ABCA1: variants seen among roughly 807,000 people sequenced by gnomAD.
The protein encoded by ABCA1 is ATP binding cassette subfamily A member 1.
Under a neutral mutation model 262.5 loss-of-function variants are expected in ABCA1, and 133 were observed. The ratio of observed to expected loss-of-function variants is 0.51; its 90% confidence interval spans 0.44 to 0.59. The LOEUF (loss-of-function observed/expected upper bound fraction) is 0.59. ABCA1 is among the 20% of genes least tolerant of loss of function. The probability of loss-of-function intolerance (pLI) is 0.00; values close to 1 mark genes in which losing one functional copy is unlikely to be tolerated. For synonymous variants in ABCA1, 1,022 were observed against 1,043.5 expected, an observed-to-expected ratio of 0.98 and a Z score of 0.40; for missense variants, 2,452 against 2,777.5, an observed-to-expected ratio of 0.88 and a Z score of 2.63.
intron 1 of ABCA1, among the ~76,000 whole-genome samples, chr9:104,927,247 C>A (rs75193896): frequency 0.033 from 4,985 of 151,960 alleles, 301 homozygotes; most frequent in African/African-American, 0.11. Flanking sequence ...CAAAACTCGT[C>A]CGCGCTCTGC....
chr9:104,797,183 G>T (rs1172238558), intron 37 of ABCA1, among the ~76,000 whole-genome samples: 5 of 152,162 alleles, frequency 3.3e-5, no homozygotes, highest in African/African-American at 1.2e-4. Context: ...ATGGGTTCAG[G>T]GACTTGACCT....
intron 11 of ABCA1, among the ~76,000 whole-genome samples, chr9:104,835,408 C>T (rs1588350395): frequency 6.6e-6 from 1 of 152,114 alleles, no homozygotes; most frequent in Admixed American, 6.5e-5. Context: ...TACTGGACAT[C>T]GCTACCACCC....
intron 5 of ABCA1, among the ~76,000 whole-genome samples, chr9:104,879,086 G>GAAAGA (rs920904204): frequency 1.3e-5 from 2 of 150,654 alleles, no homozygotes; most frequent in African/African-American, 4.9e-5. Flanking sequence ...AAAAAAAAAA[G>GAAAGA]AAAGAAAAGA....
intron 1 of ABCA1, among the ~76,000 whole-genome samples, chr9:104,907,860 A>C (rs1841265547): frequency 6.6e-6 from 1 of 152,180 alleles, no homozygotes; most frequent in Admixed American, 6.5e-5. Context: ...TCAGTCACCC[A>C]AGTGGATCAC....
Position 104,816,124 on chromosome 9 carries a change from A to T in ABCA1, c.3738+19T>A. The stretch of plus-strand genomic sequence containing the variant: ...ATTTGGCCTTGCTATATATTCCGAC[A>T]GTCAGCCACTTAACTTACTTCTTCC... On this transcript the variant is annotated intron_variant, in intron 25 of 49. Coordinates refer to ENST00000374736, the MANE Select transcript of ABCA1 (RefSeq NM_005502.4). 1 of 1,613,992 alleles carries T rather than the reference A, an allele frequency of 6.2e-7. No homozygotes were observed. The highest frequency in any genetic ancestry group is 8.5e-7 in the Non-Finnish European group (1 of 1,179,884).
chr9:104,849,555 T>C (rs765428900), intron 7 of ABCA1, among the ~76,000 whole-genome samples: 18 of 152,374 alleles, frequency 1.2e-4, no homozygotes, highest in Middle Eastern at 3.4e-3. Flanking sequence ...GTAGTCAATA[T>C]AAACAAATTT....
chr9:104,824,496 G>T lies in ABCA1; in HGVS notation c.2625C>A (p.His875Gln). 1 of 1,614,140 alleles carries T rather than the reference G, an allele frequency of 6.2e-7. No homozygotes were observed. Residue 875 changes from histidine to glutamine, a missense_variant, in exon 18 of 50, where the codon CAC becomes CAA. Physicochemically the swap from His to Gln is conservative, Grantham distance 24. Around this residue, in one of 4 missense-constraint regions of ABCA1, gnomAD observed 1,032 missense variants for 1,089.7 expected, o/e 0.95. Coordinates refer to ENST00000374736, the MANE Select transcript of ABCA1 (RefSeq NM_005502.4). ...ATATTCTCTTCTGGTTGGAACCAGG[G>T]TGGCTCTTCTCATCACTTTCCTCGC... ...WFGEESDEKSHPGSNQKRISE... is the reference protein window; with the variant it reads ...WFGEESDEKSQPGSNQKRISE...
At chr9:104,810,649 A>G (rs1284233536) in intron 29 of ABCA1, 151 bp downstream of exon 29, 46 of 1,203,982 alleles carry the variant, frequency 3.8e-5, no homozygotes, top group Non-Finnish European at 5.3e-5. Context: ...CTGCTGTTCT[A>G]TGCATGCAGT....
chr9:104,844,945 T>C (rs59862631), intron 8 of ABCA1, among the ~76,000 whole-genome samples: 3,294 of 152,306 alleles, frequency 0.022, 120 homozygotes, highest in African/African-American at 0.075. Context: ...TTTGTCAACA[T>C]GTGGACCTAA....
At chr9:104,791,473 C>T (rs1829417248) in intron 43 of ABCA1, among the ~76,000 whole-genome samples, 1 of 151,482 alleles carries the variant, frequency 6.6e-6, no homozygotes, top group African/African-American at 2.4e-5. Flanking sequence ...CTCACTCTGT[C>T]ACCAGGCTGG....
chr9:104,796,420 T>C lies in ABCA1; in HGVS notation c.5126A>G (p.Asn1709Ser), dbSNP rs1331346635. 2 of 1,613,474 alleles carry C rather than the reference T, an allele frequency of 1.2e-6. No homozygotes were observed. Among genetic ancestry groups the C allele is most frequent in the Admixed American group, 1.7e-5 (1 of 59,970 alleles). Residue 1709 changes from asparagine to serine, a missense_variant, in exon 38 of 50, where the codon AAT (asparagine) becomes AGT (serine). Around this residue, in one of 4 missense-constraint regions of ABCA1, gnomAD observed 752 missense variants for 944.5 expected, o/e 0.80. Coordinates refer to ENST00000374736, the MANE Select transcript of ABCA1 (RefSeq NM_005502.4). Reference protein sequence around the residue: ...WLSNFVWDMCNYVVPATLVII... With the variant: ...WLSNFVWDMCSYVVPATLVII... ...GACCAGTGTGGCAGGGACAACGTAA[T>C]TGCACTAAAAGTGAAAACAAAGACA...
At chr9:104,862,215 T>A (rs1836479025) in intron 5 of ABCA1, among the ~76,000 whole-genome samples, 1 of 152,082 alleles carries the variant, frequency 6.6e-6, no homozygotes, top group Non-Finnish European at 1.5e-5. Flanking sequence ...GAGATTCTCC[T>A]GCCTCAGCCT....
In ABCA1 at chr9:104,796,044, A is replaced by G. The variant is rs1213961305; in HGVS notation, c.5382+9T>C. ...ATCCCAGCAGGAGTGTTCTCTCTGCATGACTCACATTGTCGGTGAACAGCT... is the reference window on the plus strand; with the variant it reads ...ATCCCAGCAGGAGTGTTCTCTCTGCGTGACTCACATTGTCGGTGAACAGCT... On this transcript the variant is annotated intron_variant, in intron 39 of 49. Transcript: ENST00000374736. 3.1e-6 allele frequency: 5 copies of G among 1,612,310 alleles called. No individual in the cohort carries two copies. The African/African-American group carries it at 4.0e-5, about 13-fold the overall frequency.
Position 104,843,819 on chromosome 9 carries a change from T to C in ABCA1, c.813+1658A>G, listed in dbSNP as rs187802539. Among the ~76,000 whole-genome samples the C allele has an allele frequency of 4.7e-4, 72 of 152,242 alleles. No homozygotes were observed. The East Asian group carries it at 0.012, about 25-fold the overall frequency. On this transcript the variant is annotated intron_variant, in intron 8 of 49. Transcript: ENST00000374736. Reference sequence around the variant, plus strand: ...TCTTCTCCCATTTATCTCACAGAAATAGCAAGTCAGACAATGAGTAACTTT... The same window carrying C: ...TCTTCTCCCATTTATCTCACAGAAACAGCAAGTCAGACAATGAGTAACTTT...
chr9:104,919,771 T>C (rs747028558), intron 1 of ABCA1, among the ~76,000 whole-genome samples: 17 of 152,214 alleles, frequency 1.1e-4, no homozygotes, highest in Non-Finnish European at 2.1e-4. Context: ...AACTCCTCCT[T>C]CCTTTGCATT....
At chr9:104,814,511 C>T in intron 25 of ABCA1, 36 bp from the exon 26 acceptor site, 1 of 1,599,872 alleles carries the variant, frequency 6.3e-7, no homozygotes, top group East Asian at 2.2e-5. Flanking sequence ...TTATAAGCAC[C>T]AACATTACGA....
rs548210627 is a variant in ABCA1 at position 104,911,987 on chromosome 9, GTGCAGTTTTTAAAGTACCAAA to G, written c.-92-8237_-92-8217del. On this transcript the variant is annotated intron_variant, in intron 1 of 49. Transcript: ENST00000374736. Reference sequence around the variant, plus strand: ...TTAATTCCAATAATCTGTAACTTGGGTGCAGTTTTTAAAGTACCAAATGCATCACACTTACTTGATTGTTAG... The same window carrying G: ...TTAATTCCAATAATCTGTAACTTGGGTGCATCACACTTACTTGATTGTTAG... 1.2e-4 allele frequency among the ~76,000 whole-genome samples: 19 copies of G among 152,226 alleles called. No homozygotes were observed. The East Asian group carries it at 3.3e-3, about 26-fold the overall frequency.
intron 5 of ABCA1, among the ~76,000 whole-genome samples, chr9:104,873,128 A>G (rs1793829656): frequency 6.6e-6 from 1 of 152,228 alleles, no homozygotes; most frequent in African/African-American, 2.4e-5. Flanking sequence ...GTTTCCAAAT[A>G]TAAAATTCTA....
chr9:104,788,366 TA>T, intron 45 of ABCA1, 59 bp downstream of exon 45: 2 of 1,604,378 alleles, frequency 1.2e-6, no homozygotes, highest in East Asian at 4.5e-5. Context: ...GGAAAAGCCA[TA>T]AGGTATATAT....
Sources: allele counts gnomAD v4.1 joint callset (sites outside exome capture counted in the v4.1 genomes callset), GRCh38; gene constraint gnomAD v4.1.1; regional missense constraint gnomAD v4.1.1; transcripts MANE v1.5; gene names NCBI Gene and HGNC (gene_info 2026-07-23, HGNC 2026-07-21).